LCOR: variants seen among roughly 807,000 people sequenced by gnomAD.
LCOR encodes the protein ligand dependent nuclear receptor corepressor.
Under a neutral mutation model 64.4 loss-of-function variants are expected in LCOR, and 14 were observed. The observed-to-expected ratio is 0.22, with a 90% CI of 0.14 to 0.34. LCOR has a LOEUF of 0.34. Among genes scored for constraint, LCOR ranks in the 10% least tolerant of loss-of-function variants. LCOR has a pLI of 1.00. For synonymous variants in LCOR, 643 were observed against 642.5 expected (o/e 1.00, Z -0.01); for missense variants, 1,686 against 1,765.3 (o/e 0.96, Z 0.80).
chr10:96,863,677 C>T (rs1845926388), intron 2 of LCOR, among the ~76,000 whole-genome samples: 1 of 152,204 alleles, frequency 6.6e-6, no homozygotes, highest in South Asian at 2.1e-4. Flanking sequence ...TGGTGTTGTG[C>T]AGTCTTTAAA....
At chr10:96,878,385 A>T (rs1846205972) in intron 2 of LCOR, among the ~76,000 whole-genome samples, 1 of 152,232 alleles carries the variant, frequency 6.6e-6, no homozygotes, top group African/African-American at 2.4e-5. Flanking sequence ...TAGAGGACAG[A>T]AGTGATTAGG....
At chr10:96,956,865 C>T in intron 7 of LCOR, 8 of 984,516 alleles carry the variant, frequency 8.1e-6, no homozygotes, top group Non-Finnish European at 9.7e-6. Context: ...AATATCATTG[C>T]AGCAACTAGA....
At chr10:96,856,874 A>C (rs1055891069) in intron 2 of LCOR, among the ~76,000 whole-genome samples, 1 of 152,036 alleles carries the variant, frequency 6.6e-6, no homozygotes, top group African/African-American at 2.4e-5. Flanking sequence ...AAGTAAAAAA[A>C]ATTATCTGGC....
At chr10:96,898,982 A>G (rs2134443185) in intron 2 of LCOR, among the ~76,000 whole-genome samples, 1 of 152,278 alleles carries the variant, frequency 6.6e-6, no homozygotes, top group Non-Finnish European at 1.5e-5. Context: ...AATAGGACTC[A>G]ATGACCGGAA....
chr10:96,930,766 G>A (rs1248771746), intron 4 of LCOR, among the ~76,000 whole-genome samples: 1 of 152,150 alleles, frequency 6.6e-6, no homozygotes, highest in African/African-American at 2.4e-5. Flanking sequence ...CCTCCTTAAT[G>A]GAATTAAAAA....
intron 2 of LCOR, among the ~76,000 whole-genome samples, chr10:96,868,400 G>A (rs952794501): frequency 1.1e-4 from 16 of 150,756 alleles, no homozygotes; most frequent in Admixed American, 1.0e-3. Flanking sequence ...TCAGCTTCCC[G>A]AGTAGCTGGG....
intron 4 of LCOR, chr10:96,915,753 T>C (rs1235992461): frequency 3.1e-6 from 2 of 638,520 alleles, no homozygotes; most frequent in African/African-American, 1.8e-5. Flanking sequence ...TTGGGTACCT[T>C]CTCTCCCTCC....
intron 4 of LCOR, among the ~76,000 whole-genome samples, chr10:96,911,894 A>G (rs997905818): frequency 1.3e-5 from 2 of 152,182 alleles, no homozygotes; most frequent in East Asian, 1.9e-4. Flanking sequence ...TTTATACACA[A>G]TTCTCTGTGT....
intron 7 of LCOR, among the ~76,000 whole-genome samples, chr10:96,965,283 A>G (rs188212036): frequency 7.3e-5 from 11 of 150,722 alleles, no homozygotes; most frequent in African/African-American, 2.7e-4. Flanking sequence ...TGCTGGGATT[A>G]CAGGTGTGAG....
intron 7 of LCOR, among the ~76,000 whole-genome samples, chr10:96,970,644 T>TTTTATTTTA (rs1209989834): frequency 1.3e-5 from 2 of 148,766 alleles, no homozygotes; most frequent in Admixed American, 6.7e-5. Flanking sequence ...TTTTATTTTA[T>TTTTATTTTA]TTTATTTTAT....
intron 2 of LCOR, among the ~76,000 whole-genome samples, chr10:96,865,147 A>G (rs955037012): frequency 5.9e-5 from 9 of 152,144 alleles, no homozygotes; most frequent in Non-Finnish European, 2.9e-5. Context: ...GCAAAGTTAG[A>G]TCTTAATTTC....
At chr10:96,860,438 T>C (rs1485448569) in intron 2 of LCOR, among the ~76,000 whole-genome samples, 1 of 152,080 alleles carries the variant, frequency 6.6e-6, no homozygotes, top group South Asian at 2.1e-4. Flanking sequence ...CAAGGATTGC[T>C]GGCAACCACC....
At position 96,969,905 on chromosome 10, in the gene LCOR, G is replaced by A. The variant is rs1351604557; in HGVS notation, c.333-10888G>A. On this transcript the variant is annotated intron_variant, in intron 7 of 7. Transcript: ENST00000421806. The stretch of plus-strand genomic sequence containing the variant: ...CACCATTCTCCTGCCTTAGCCTCCC[G>A]AGAAGCTGGGACTACAGGCACCCGC... Among the ~76,000 whole-genome samples, 16 of 144,540 alleles carry A rather than the reference G, an allele frequency of 1.1e-4. No individual in the cohort carries two copies. In the South Asian group the frequency reaches 2.9e-3, roughly 26 times the overall value. The allele number at this position is 144,540 out of a possible 152,430, so 94.8% of individuals were successfully genotyped here.
Position 96,982,941 on chromosome 10 carries a change from T to C in LCOR, c.2481T>C (p.Ala827=), listed in dbSNP as rs766262380. 9 of 1,613,330 alleles carry C rather than the reference T, an allele frequency of 5.6e-6. No individual in the cohort carries two copies. The highest frequency in any genetic ancestry group is 7.6e-6 in the Non-Finnish European group (9 of 1,179,802). The change falls in exon 8 of 8, where the codon GCT becomes GCC. Residue 827 remains alanine, a synonymous_variant. Transcript: ENST00000421806. ...LRSQLSDSSS[A]DRCLRNQSSD... ...GTCAACTTTCGGATTCTTCCTCTGC[T>C]GACAGATGCCTAAGAAATCAGAGTT...
chr10:96,988,161 A>G lies in LCOR; in HGVS notation c.*3027A>G, dbSNP rs1848164855. ...CTTCTATCCTACGAGACTCCCTGCT[A>G]TAGATGGACATGCAGGAGACCACTC... On this transcript the variant is annotated 3_prime_UTR_variant, in exon 8 of 8. Coordinates refer to ENST00000421806, the MANE Select transcript of LCOR (RefSeq NM_001346516.2). The G allele has an allele frequency of 6.6e-6, 1 of 152,238 alleles. No individual in the cohort carries two copies. Among genetic ancestry groups the G allele is most frequent in the Non-Finnish European group, 1.5e-5 (1 of 68,048 alleles). 9.4% of individuals were successfully genotyped at this position (152,238 alleles called of 1,614,324 possible).
At chr10:96,845,212 G>A (rs916061585) in intron 2 of LCOR, among the ~76,000 whole-genome samples, 2 of 152,050 alleles carry the variant, frequency 1.3e-5, no homozygotes, top group African/African-American at 2.4e-5. Context: ...ACAGGAAGAC[G>A]TTGTGACAAA....
intron 4 of LCOR, among the ~76,000 whole-genome samples, chr10:96,910,396 T>G (rs1846809045): frequency 6.6e-6 from 1 of 152,240 alleles, no homozygotes; most frequent in East Asian, 1.9e-4. Context: ...TCTTTGGCAT[T>G]TATTATTTTC....
chr10:96,984,707 C>T lies in LCOR; in HGVS notation c.4247C>T (p.Thr1416Met), dbSNP rs1340591319. 6 of 1,613,936 alleles carry T rather than the reference C, an allele frequency of 3.7e-6. No homozygotes were observed. The highest frequency in any genetic ancestry group is 1.7e-4 in the Middle Eastern group (1 of 6,060). ...SPPDSKNKGP[T>M]VKASKEKHAD... ...CCAGATAGTAAGAACAAGGGGCCTA[C>T]GGTGAAAGCCAGCAAAGAAAAGCAT... The change falls in exon 8 of 8, where the codon ACG becomes ATG. Residue 1416 changes from threonine (T) to methionine (M), a missense_variant. This residue lies in a region of LCOR where 1,293 missense variants were observed against 1,410.4 expected (regional missense o/e 0.92). Coordinates refer to ENST00000421806, the MANE Select transcript of LCOR (RefSeq NM_001346516.2).
chr10:96,860,275 G>GA (rs1845866230), intron 2 of LCOR, among the ~76,000 whole-genome samples: 1 of 152,152 alleles, frequency 6.6e-6, no homozygotes. Flanking sequence ...GGTCTTTGCA[G>GA]TTAAAATTAA....
Sources: gnomAD v4.1 joint callset for allele counts (sites outside exome capture counted in the v4.1 genomes callset) on GRCh38, gnomAD v4.1.1 for gene constraint, gnomAD v4.1.1 regional missense constraint, MANE v1.5 for transcripts, NCBI Gene and HGNC (gene_info 2026-07-23, HGNC 2026-07-21) for gene names.